Variants in SECTM1 observed in about 807,000 individuals in gnomAD.
SECTM1 encodes the protein secreted and transmembrane 1.
SECTM1 carries 10 observed loss-of-function variants against 18.1 expected under a neutral mutation model. The observed-to-expected ratio is 0.55, with a 90% confidence interval of 0.34 to 0.94. The LOEUF (loss-of-function observed/expected upper bound fraction) is 0.94, where lower values mean the gene tolerates loss of function less well. Ranked by LOEUF, SECTM1 falls within the 40% of genes least tolerant of loss-of-function variation. SECTM1 has a pLI of 0.02. For synonymous variants in SECTM1, 137 were observed against 139.2 expected (o/e 0.98, Z 0.11); for missense variants, 297 against 322.6 (o/e 0.92, Z 0.61).
rs1485404536 is a variant in SECTM1 at position 82,322,454 on chromosome 17, C to T, written c.538-84G>A. On this transcript the variant is annotated intron_variant, in intron 4 of 4. Transcript: ENST00000269389. ...GCCCTGGGGCGTGCGTTCACACTCA[C>T]GGGCATACGTGCTCATGCACACCCC... The T allele has an allele frequency of 1.1e-5, 15 of 1,309,764 alleles. No homozygotes were observed. The East Asian group carries it at 1.2e-4, about 10-fold the overall frequency. The allele number at this position is 1,309,764 out of a possible 1,614,324, so 81.1% of individuals were successfully genotyped here.
At position 82,325,229 on chromosome 17, in the gene SECTM1, G is replaced by A. The variant is rs903548171; in HGVS notation, c.95-339C>T. ...GGGGTGGGTGAAGTCAGAGCCTCAG[G>A]TGTGTGCCGGGCGGCTGCGCTGTGG... On this transcript the variant is annotated intron_variant, in intron 2 of 4. Coordinates refer to ENST00000269389, the MANE Select transcript of SECTM1 (RefSeq NM_003004.3). The surrounding 1 kb of genome is among the most constrained non-coding windows in gnomAD (Gnocchi z 7.6). 6.6e-6 allele frequency among the ~76,000 whole-genome samples: 1 copy of A among 152,222 alleles called. No individual in the cohort carries two copies. Among genetic ancestry groups the A allele is most frequent in the African/African-American group, 2.4e-5 (1 of 41,442 alleles).
intron 1 of SECTM1, among the ~76,000 whole-genome samples, chr17:82,327,677 C>G (rs1056896766): frequency 6.6e-6 from 1 of 152,144 alleles, no homozygotes; most frequent in Non-Finnish European, 1.5e-5. Flanking sequence ...ATACTAAGAC[C>G]AGCCTCCAGC....
Position 82,322,211 on chromosome 17 carries a change from G to A in SECTM1, c.697C>T (p.Leu233=), listed in dbSNP as rs574421404. ...AAGGGTTGGGGGGACAGCAGCTCCA[G>A]GGCTCCAAGTGGTGAGGGTTTGAAC... The part of the protein sequence containing the change: ...LVFKPSPLGA[L]ELLSPQPLFP... Residue 233 remains leucine (L), a synonymous_variant, in exon 5 of 5, where the codon CTG becomes TTG. Coordinates refer to ENST00000269389, the MANE Select transcript of SECTM1 (RefSeq NM_003004.3). 7.3e-5 allele frequency: 117 copies of A among 1,613,334 alleles called. 2 individuals carry two copies. In the South Asian group the frequency reaches 8.9e-4, roughly 12 times the overall value.
At chr17:82,323,665 T>TG (rs1052725097) in intron 3 of SECTM1, among the ~76,000 whole-genome samples, 1 of 151,504 alleles carries the variant, frequency 6.6e-6, no homozygotes, top group African/African-American at 2.4e-5. Context: ...ACAGAGGGCC[T>TG]GGGGGCTGCT....
rs2052181810 is a variant in SECTM1, at chr17:82,330,338, C to G, written c.-52-3046G>C. ...GCCATCTGAGTCTGTTTCACAAATG[C>G]TTCCAGGGACTGCCCCTGCCATGTG... On this transcript the variant is annotated intron_variant, in intron 1 of 4. Transcript: ENST00000269389. The surrounding 1 kb of genome is among the most constrained non-coding windows in gnomAD (Gnocchi z 6.1). Among the ~76,000 whole-genome samples the G allele has an allele frequency of 6.6e-6, 1 of 152,176 alleles. No homozygotes were observed. The highest frequency in any genetic ancestry group is 6.5e-5 in the Admixed American group (1 of 15,284).
At position 82,324,566 on chromosome 17, in the gene SECTM1, C is replaced by G; in HGVS notation, c.403+16G>C. 6.3e-7 allele frequency: 1 copy of G among 1,582,138 alleles called. No individual in the cohort carries two copies. Among genetic ancestry groups the G allele is most frequent in the Non-Finnish European group, 8.6e-7 (1 of 1,159,422 alleles). On this transcript the variant is annotated intron_variant, in intron 3 of 4. Transcript: ENST00000269389. ...TCTCACTCCCCTCCCCCTTGCTTCC[C>G]CGAGCCTCCCCTCACCTGAAACCTC...
rs1272036989 is a variant in SECTM1 at position 82,326,736 on chromosome 17, T to C, written c.94+411A>G. On this transcript the variant is annotated intron_variant, in intron 2 of 4. Transcript: ENST00000269389. The surrounding 1 kb of genome is among the most constrained non-coding windows in gnomAD (Gnocchi z 4.3). ...AATGCAGATCCACTCCTGGCAGGCC[T>C]GAGGTGCGCCTGACTAAGGAGCCCC... Among the ~76,000 whole-genome samples, 1 of 152,170 alleles carries C rather than the reference T, an allele frequency of 6.6e-6. No individual in the cohort carries two copies. Among genetic ancestry groups the C allele is most frequent in the Non-Finnish European group, 1.5e-5 (1 of 68,018 alleles).
In SECTM1 at chr17:82,331,595, G is replaced by A. The variant is rs537791156; in HGVS notation, c.-53+2105C>T. 3.3e-5 allele frequency among the ~76,000 whole-genome samples: 5 copies of A among 152,240 alleles called. No homozygotes were observed. In the East Asian group the frequency reaches 7.7e-4, roughly 23 times the overall value. On this transcript the variant is annotated intron_variant, in intron 1 of 4. Coordinates refer to ENST00000269389, the MANE Select transcript of SECTM1 (RefSeq NM_003004.3). ...ACTCAGATGTTACTGGGTATCCTGC[G>A]TTTTTGTTGGCAGCTCTGCCACTCT...
intron 1 of SECTM1, among the ~76,000 whole-genome samples, chr17:82,333,268 C>G (rs1048475868): frequency 6.6e-6 from 1 of 152,216 alleles, no homozygotes; most frequent in African/African-American, 2.4e-5. Flanking sequence ...AGGCCGAGGA[C>G]CGGGAAGGGA....
Position 82,327,138 on chromosome 17 carries a change from G to A in SECTM1, c.94+9C>T, listed in dbSNP as rs1444984559. On this transcript the variant is annotated intron_variant, in intron 2 of 4. Transcript: ENST00000269389. ...TTCCCCAGCAGAGAGGCGGGGCCCC[G>A]AGACCTACCTTCATTCTGAGCACTC... 16 of 1,590,216 alleles carry A rather than the reference G, an allele frequency of 1.0e-5. No individual in the cohort carries two copies. The highest frequency in any genetic ancestry group is 1.8e-5 in the Admixed American group (1 of 57,052).
chr17:82,327,175 C>A lies in SECTM1; in HGVS notation c.66G>T (p.Leu22Phe). 1 of 1,612,366 alleles carries A rather than the reference C, an allele frequency of 6.2e-7. No homozygotes were observed. Among genetic ancestry groups the A allele is most frequent in the Non-Finnish European group, 8.5e-7 (1 of 1,179,202 alleles). ...CATTCTGAGCACTCAAGGAGGCAGC[C>A]AAAAACAGGAGGGTCCCAAGGGCCT... ...VSQALGTLLF[L>F]AASLSAQNEG... The change falls in exon 2 of 5, where the codon TTG (leucine) becomes TTT (phenylalanine). Residue 22 changes from leucine to phenylalanine, a missense_variant. Physicochemically the swap from Leu to Phe is conservative, Grantham distance 22 (BLOSUM62 0). Transcript: ENST00000269389.
intron 3 of SECTM1, among the ~76,000 whole-genome samples, chr17:82,323,716 G>A (rs1045514644): frequency 2.0e-5 from 3 of 152,060 alleles, no homozygotes; most frequent in African/African-American, 7.2e-5. Context: ...CAGATAAGTA[G>A]CTGGTGGTGA....
chr17:82,325,904 C>G lies in SECTM1; in HGVS notation c.95-1014G>C, dbSNP rs774874898. On this transcript the variant is annotated intron_variant, in intron 2 of 4. Transcript: ENST00000269389. The surrounding 1 kb of genome is among the most constrained non-coding windows in gnomAD (Gnocchi z 7.6). ...GGCCACATTTCACCAAATACAAAAC[C>G]ACATGGTGGGTGCCATGTGCTGGCA... Among the ~76,000 whole-genome samples, 1 of 152,234 alleles carries G rather than the reference C, an allele frequency of 6.6e-6. No homozygotes were observed. Among genetic ancestry groups the G allele is most frequent in the Non-Finnish European group, 1.5e-5 (1 of 68,042 alleles).
intron 1 of SECTM1, among the ~76,000 whole-genome samples, chr17:82,331,561 C>T (rs141430591): frequency 6.8e-4 from 104 of 152,356 alleles, no homozygotes; most frequent in South Asian, 6.0e-3. Flanking sequence ...ACACGATTAA[C>T]GATCTCAAAC....
At position 82,321,111 on chromosome 17, in the gene SECTM1, G is replaced by C. The variant is rs1310904229; in HGVS notation, c.*1050C>G. On this transcript the variant is annotated 3_prime_UTR_variant, in exon 5 of 5. Transcript: ENST00000269389. ...CCCTGGCTCCGGCCCGACCCTCAGG[G>C]CGGCCGGCTGTGCGAGGCCTCGGTC... The C allele has an allele frequency of 6.6e-6, 1 of 152,106 alleles. No homozygotes were observed. Among genetic ancestry groups the C allele is most frequent in the Non-Finnish European group, 1.5e-5 (1 of 68,020 alleles). 9.4% of individuals were successfully genotyped at this position (152,106 alleles called of 1,614,324 possible).
At chr17:82,323,087 C>A (rs2052111656) in intron 3 of SECTM1, 76 bp from the exon 4 acceptor site, 22 of 1,467,870 alleles carry the variant, frequency 1.5e-5, no homozygotes, top group Non-Finnish European at 2.0e-5. Context: ...TAGCTCCCAG[C>A]CTCCTCCTCC....
In SECTM1 at chr17:82,328,717, C is replaced by A. The variant is rs988161198; in HGVS notation, c.-52-1425G>T. On this transcript the variant is annotated intron_variant, in intron 1 of 4. Coordinates refer to ENST00000269389, the MANE Select transcript of SECTM1 (RefSeq NM_003004.3). The surrounding 1 kb of genome is among the most constrained non-coding windows in gnomAD (Gnocchi z 5.8). ...CCTGGGTCTGTTCCAGGTGGGGCAG[C>A]GGGTAAGGCCCAGCAGGAGCCCTGG... Among the ~76,000 whole-genome samples, 5 of 152,194 alleles carry A rather than the reference C, an allele frequency of 3.3e-5. No homozygotes were observed. Among genetic ancestry groups the A allele is most frequent in the African/African-American group, 1.2e-4 (5 of 41,440 alleles).
chr17:82,331,594 C>T (rs1029860005), intron 1 of SECTM1, among the ~76,000 whole-genome samples: 3 of 152,246 alleles, frequency 2.0e-5, no homozygotes, highest in Non-Finnish European at 4.4e-5. Flanking sequence ...GGGTATCCTG[C>T]GTTTTTGTTG....
Position 82,322,309 on chromosome 17 carries a change from T to C in SECTM1, c.599A>G (p.Gln200Arg). Residue 200 changes from glutamine (Q) to arginine (R), a missense_variant, in exon 5 of 5, where the codon CAG (glutamine) becomes CGG (arginine). By Grantham distance (43) the Gln-to-Arg change is conservative. Coordinates refer to ENST00000269389, the MANE Select transcript of SECTM1 (RefSeq NM_003004.3). ...TTCAGCGGAGGCTCTGCTCAGGCCC[T>C]GCTGGGCTCCCGCTCTGAGGGCTGC... is the stretch of plus-strand genomic sequence containing the variant. ...KVAALRAGAQ[Q>R]GLSRASAELW... 6.2e-7 allele frequency: 1 copy of C among 1,613,392 alleles called. No individual in the cohort carries two copies.
Sources: allele counts gnomAD v4.1 joint callset (sites outside exome capture counted in the v4.1 genomes callset), GRCh38; gene constraint gnomAD v4.1.1; non-coding constraint Gnocchi (gnomAD v3.1); transcripts MANE v1.5; gene names NCBI Gene and HGNC (gene_info 2026-07-23, HGNC 2026-07-21).